Variants in CLSTN1 observed in about 807,000 individuals in gnomAD.
The protein encoded by CLSTN1 is calsyntenin-1.
CLSTN1 carries 28 observed loss-of-function variants against 108.3 expected under a neutral mutation model. The observed-to-expected ratio is 0.26, with a 90% CI of 0.19 to 0.35. The LOEUF is 0.35. Among genes scored for constraint, CLSTN1 ranks in the 10% least tolerant of loss-of-function variants. CLSTN1 has a pLI of 1.00. For synonymous variants in CLSTN1, 524 were observed against 534.9 expected (o/e 0.98, Z 0.28); for missense variants, 1,157 against 1,302.6 (o/e 0.89, Z 1.72).
chr1:9,768,581 C>T (rs1652483578), intron 2 of CLSTN1, among the ~76,000 whole-genome samples: 1 of 98,896 alleles, frequency 1.0e-5, no homozygotes, highest in Non-Finnish European at 2.1e-5. Context: ...GGGCGGGGTT[C>T]TGTGCTGGGT....
Position 9,790,400 on chromosome 1 carries a change from C to G in CLSTN1, c.92-17006G>C, listed in dbSNP as rs1653707169. Reference sequence around the variant, plus strand: ...TTCGGCATTAATTGGTATGCTGTGACTTTTCTTTTTTAGCGTATTGATTGG... The same window carrying G: ...TTCGGCATTAATTGGTATGCTGTGAGTTTTCTTTTTTAGCGTATTGATTGG... On this transcript the variant is annotated intron_variant, in intron 1 of 18. Transcript: ENST00000377298. Among the ~76,000 whole-genome samples the G allele has an allele frequency of 1.3e-5, 2 of 151,308 alleles. 1 individual carries two copies. The highest frequency in any genetic ancestry group is 3.9e-4 in the East Asian group (2 of 5,076).
At chr1:9,820,143 G>A (rs558556961) in intron 1 of CLSTN1, among the ~76,000 whole-genome samples, 100 of 152,034 alleles carry the variant, frequency 6.6e-4, no homozygotes, top group African/African-American at 2.3e-3. Flanking sequence ...CAAAGTGCTG[G>A]AATTACAGGG....
chr1:9,743,360 G>A (rs768576896), intron 9 of CLSTN1, among the ~76,000 whole-genome samples: 49 of 152,316 alleles, frequency 3.2e-4, no homozygotes, highest in Non-Finnish European at 3.8e-4. Flanking sequence ...GTTGAAGTCA[G>A]GAGTTCAAGA....
chr1:9,778,144 T>C (rs1000404343), intron 1 of CLSTN1, among the ~76,000 whole-genome samples: 2 of 151,454 alleles, frequency 1.3e-5, no homozygotes, highest in African/African-American at 4.9e-5. Flanking sequence ...GCAATCACAG[T>C]TCATTACATA....
At chr1:9,765,240 C>T (rs537593940) in intron 2 of CLSTN1, among the ~76,000 whole-genome samples, 1 of 151,972 alleles carries the variant, frequency 6.6e-6, no homozygotes, top group Non-Finnish European at 1.5e-5. Flanking sequence ...CAAAATTAGC[C>T]GGGCGTGGTG....
intron 1 of CLSTN1, among the ~76,000 whole-genome samples, chr1:9,780,219 A>G (rs1350008717): frequency 1.4e-5 from 2 of 144,292 alleles, no homozygotes; most frequent in Non-Finnish European, 3.0e-5. Context: ...TTAATATTCG[A>G]TTCCAATTTG....
Position 9,749,561 on chromosome 1 carries a change from T to C in CLSTN1, c.885A>G (p.Pro295=), listed in dbSNP as rs191051279. The C allele has an allele frequency of 5.9e-4, 950 of 1,614,218 alleles. 12 individuals are homozygous for C. In the East Asian group the frequency reaches 0.018, roughly 31 times the overall value. ...PNIHLETCDE[P]VASVQATVEL... is the part of the protein sequence containing the mutation. ...CCACTGTGGCCTGTACTGAGGCGAC[T>C]GGCTCGTCACATGTCTCCAGGTGGA... The change falls in exon 7 of 19, where the codon CCA becomes CCG. Residue 295 remains proline, a synonymous_variant. Transcript: ENST00000377298.
chr1:9,811,247 TAGA>T (rs1486255513), intron 1 of CLSTN1, among the ~76,000 whole-genome samples: 4 of 152,198 alleles, frequency 2.6e-5, no homozygotes, highest in African/African-American at 4.8e-5. Flanking sequence ...TACTCCAATT[TAGA>T]AGAAGTTTTA....
At position 9,784,675 on chromosome 1, in the gene CLSTN1, A is replaced by C. The variant is rs116109563; in HGVS notation, c.92-11281T>G. ...TGTTACAGGTTTCATTTGCAGATTC[A>C]ACTTTTAAACCTTGGTCTATCATAA... On this transcript the variant is annotated intron_variant, in intron 1 of 18. Coordinates refer to ENST00000377298, the MANE Select transcript of CLSTN1 (RefSeq NM_001009566.3). 4.8e-3 allele frequency among the ~76,000 whole-genome samples: 731 copies of C among 152,310 alleles called. 3 individuals carry two copies. The highest frequency in any genetic ancestry group is 0.016 in the African/African-American group (657 of 41,564).
rs1650968742 is a variant in CLSTN1 at position 9,741,220 on chromosome 1, C to G, written c.1393G>C (p.Val465Leu). The G allele has an allele frequency of 6.2e-7, 1 of 1,613,860 alleles. No individual in the cohort carries two copies. The highest frequency in any genetic ancestry group is 1.1e-5 in the South Asian group (1 of 91,076). The change falls in exon 10 of 19, where the codon GTA becomes CTA. Residue 465 changes from valine to leucine, a missense_variant. By Grantham distance (32) the Val-to-Leu change is conservative. Coordinates refer to ENST00000377298, the MANE Select transcript of CLSTN1 (RefSeq NM_001009566.3). ...TAGAGAGTCACACTCGGGAATTCTA[C>G]ATTGAGGACGTAGTGGTGCCATTCC... ...DEEWHHYVLN[V>L]EFPSVTLYVD...
rs777490716 is a variant in CLSTN1, at chr1:9,730,613, G to A, written c.2841C>T (p.Ser947=). Residue 947 remains serine (S), a synonymous_variant, in exon 19 of 19, where the codon AGC becomes AGT. Transcript: ENST00000377298. This position sits in a 1 kb window ranked among gnomAD's most constrained non-coding sequence, Gnocchi z 5.6. ...EDGEEEDDIT[S]AESESSEEEE... ...CCTCCTCGCTGCTCTCCGACTCGGC[G>A]CTGGTGATGTCATCCTCTTCTTCGC... 26 of 1,610,188 alleles carry A rather than the reference G, an allele frequency of 1.6e-5. No homozygotes were observed. The highest frequency in any genetic ancestry group is 2.2e-5 in the East Asian group (1 of 44,878).
At chr1:9,765,423 C>A (rs1652278214) in intron 2 of CLSTN1, among the ~76,000 whole-genome samples, 1 of 151,890 alleles carries the variant, frequency 6.6e-6, no homozygotes, top group African/African-American at 2.4e-5. Flanking sequence ...GTGGCTCAAT[C>A]CTGTAATCCT....
intron 1 of CLSTN1, among the ~76,000 whole-genome samples, chr1:9,804,197 C>T (rs1654406649): frequency 6.6e-6 from 1 of 151,956 alleles, no homozygotes; most frequent in East Asian, 1.9e-4. Context: ...CTCGTCTCTA[C>T]TAAAAATACA....
chr1:9,796,679 G>A (rs1435067122), intron 1 of CLSTN1, among the ~76,000 whole-genome samples: 2 of 149,884 alleles, frequency 1.3e-5, no homozygotes, highest in South Asian at 2.2e-4. Context: ...GCGAGACTCC[G>A]CCTCAAAAAA....
In CLSTN1 at chr1:9,806,605, C is replaced by T. The variant is rs190228310; in HGVS notation, c.91+17038G>A. 1.2e-4 allele frequency among the ~76,000 whole-genome samples: 19 copies of T among 152,298 alleles called. No homozygotes were observed. The East Asian group carries it at 2.9e-3, about 23-fold the overall frequency. On this transcript the variant is annotated intron_variant, in intron 1 of 18. Coordinates refer to ENST00000377298, the MANE Select transcript of CLSTN1 (RefSeq NM_001009566.3). ...CTATAAAAATAGACACGAGGCCGGGCGCGGTGGCTCACGCCTGTAATCCCA... is the reference window on the plus strand; with the variant it reads ...CTATAAAAATAGACACGAGGCCGGGTGCGGTGGCTCACGCCTGTAATCCCA...
chr1:9,731,049 G>A, intron 18 of CLSTN1, 157 bp downstream of exon 18: 1 of 836,208 alleles, frequency 1.2e-6, no homozygotes, highest in Non-Finnish European at 1.9e-6. Flanking sequence ...GTCTCTCTCA[G>A]CCTCGGTTTA....
intron 2 of CLSTN1, among the ~76,000 whole-genome samples, chr1:9,762,587 C>G (rs903438905): frequency 4.0e-5 from 6 of 150,820 alleles, no homozygotes; most frequent in Non-Finnish European, 8.9e-5. Flanking sequence ...CCGCACTCAA[C>G]GGCTCTGCTC....
intron 1 of CLSTN1, among the ~76,000 whole-genome samples, chr1:9,780,617 G>T (rs1426501768): frequency 6.6e-6 from 1 of 152,130 alleles, no homozygotes; most frequent in Non-Finnish European, 1.5e-5. Flanking sequence ...TTTAATGAGT[G>T]ATATTTTTAA....
chr1:9,741,089 G>C lies in CLSTN1; in HGVS notation c.1519+5C>G. 1 of 1,612,136 alleles carries C rather than the reference G, an allele frequency of 6.2e-7. No homozygotes were observed. The highest frequency in any genetic ancestry group is 8.5e-7 in the Non-Finnish European group (1 of 1,178,768). The stretch of plus-strand genomic sequence containing the variant: ...GAGTCGAGGGCGGGGGGTAATGACA[G>C]GTACCTTGCCAGCAAGCCCCCACCA... On this transcript the variant is annotated splice_donor_5th_base_variant and intron_variant, in intron 10 of 18. Transcript: ENST00000377298.
Sources: allele counts gnomAD v4.1 joint callset (sites outside exome capture counted in the v4.1 genomes callset), GRCh38; gene constraint gnomAD v4.1.1; non-coding constraint Gnocchi (gnomAD v3.1); transcripts MANE v1.5; gene names NCBI Gene and HGNC (gene_info 2026-07-23, HGNC 2026-07-21).